CSGALNACT1: variants seen among roughly 807,000 people sequenced by gnomAD.
CSGALNACT1 encodes the protein beta4GalNAcT-1.
Under a neutral mutation model 51.0 loss-of-function variants are expected in CSGALNACT1, and 52 were observed. The observed-to-expected ratio is 1.02, with a 90% CI of 0.82 to 1.29. The LOEUF (loss-of-function observed/expected upper bound fraction) is 1.29. Among genes scored for constraint, CSGALNACT1 ranks in the 50% most tolerant of loss-of-function variants. The pLI is 0.00. For missense variants in CSGALNACT1, 935 were observed against 679.2 expected, an observed-to-expected ratio of 1.38 and a Z score of -4.19; for synonymous variants, 341 against 254.4, an observed-to-expected ratio of 1.34 and a Z score of -3.24.
At chr8:19,563,891 T>G (rs1043029540) in intron 3 of CSGALNACT1, among the ~76,000 whole-genome samples, 1 of 151,816 alleles carries the variant, frequency 6.6e-6, no homozygotes, top group Non-Finnish European at 1.5e-5. Flanking sequence ...TCCCCAACCC[T>G]AGACTCCCAC....
At chr8:19,727,987 G>A (rs929878635) in intron 1 of CSGALNACT1, among the ~76,000 whole-genome samples, 6 of 152,190 alleles carry the variant, frequency 3.9e-5, no homozygotes, top group African/African-American at 1.4e-4. Context: ...GCAGCAAGAT[G>A]TCATTCCAAG....
intron 3 of CSGALNACT1, among the ~76,000 whole-genome samples, chr8:19,532,297 A>G (rs2082927737): frequency 6.6e-6 from 1 of 152,114 alleles, no homozygotes; most frequent in African/African-American, 2.4e-5. Flanking sequence ...CCTCCTCCCA[A>G]AACAACAATT....
At chr8:19,651,907 C>A (rs558061513) in intron 1 of CSGALNACT1, among the ~76,000 whole-genome samples, 1 of 134,732 alleles carries the variant, frequency 7.4e-6, no homozygotes, top group Non-Finnish European at 1.6e-5. Context: ...TCTACAACCT[C>A]GCTGTCTGTT....
intron 1 of CSGALNACT1, among the ~76,000 whole-genome samples, chr8:19,743,970 A>T (rs1488669820): frequency 2.0e-5 from 3 of 152,244 alleles, no homozygotes; most frequent in Admixed American, 1.3e-4. Flanking sequence ...AGAAAGGAAA[A>T]AAAAAGACAA....
chr8:19,457,917 G>T (rs896456095), intron 5 of CSGALNACT1: 83 of 729,148 alleles, frequency 1.1e-4, no homozygotes, highest in Non-Finnish European at 1.7e-4. Context: ...GATGATGCAG[G>T]TTACAATAAA....
intron 6 of CSGALNACT1, among the ~76,000 whole-genome samples, chr8:19,421,363 C>T (rs2057898480): frequency 6.6e-6 from 1 of 152,236 alleles, no homozygotes; most frequent in Non-Finnish European, 1.5e-5. Context: ...ACAGCAGAAC[C>T]TTCTGAAATG....
At chr8:19,601,355 A>G (rs1267774122) in intron 2 of CSGALNACT1, among the ~76,000 whole-genome samples, 3 of 152,234 alleles carry the variant, frequency 2.0e-5, no homozygotes, top group African/African-American at 7.2e-5. Flanking sequence ...TCAAAATTAG[A>G]GTACCTATTT....
chr8:19,418,708 G>C, exon 8 of CSGALNACT1: 1 of 1,613,680 alleles, frequency 6.2e-7, no homozygotes, highest in Non-Finnish European at 8.5e-7. Flanking sequence ...TATTATGCCA[G>C]GATTGTACTG....
At chr8:19,569,045 T>A (rs2042461390) in intron 3 of CSGALNACT1, among the ~76,000 whole-genome samples, 1 of 152,186 alleles carries the variant, frequency 6.6e-6, no homozygotes, top group African/African-American at 2.4e-5. Flanking sequence ...TTCATTTACC[T>A]GAGTCAAAAG....
intron 4 of CSGALNACT1, among the ~76,000 whole-genome samples, chr8:19,485,821 C>A (rs1369672561): frequency 4.4e-5 from 5 of 113,752 alleles, no homozygotes; most frequent in Non-Finnish European, 6.6e-5. Context: ...GGCTGAAGTA[C>A]AATGGCATGA....
intron 1 of CSGALNACT1, among the ~76,000 whole-genome samples, chr8:19,727,492 G>A (rs67841905): frequency 0.3 from 45,540 of 149,604 alleles, 7,129 homozygotes; most frequent in Middle Eastern, 0.47. Flanking sequence ...TGAGACTACA[G>A]GCGCGTGTCA....
At chr8:19,592,641 C>T (rs2048075495) in intron 2 of CSGALNACT1, among the ~76,000 whole-genome samples, 1 of 152,134 alleles carries the variant, frequency 6.6e-6, no homozygotes, top group Admixed American at 6.5e-5. Flanking sequence ...GCTGTCCCAG[C>T]TACTTAGGAG....
intron 3 of CSGALNACT1, among the ~76,000 whole-genome samples, chr8:19,574,151 C>CTTG (rs2043633314): frequency 2.6e-5 from 4 of 152,208 alleles, no homozygotes; most frequent in African/African-American, 9.6e-5. Flanking sequence ...AGCCTTAAGA[C>CTTG]ATTCTCCAGC....
chr8:19,600,036 G>A (rs892595751), intron 2 of CSGALNACT1, among the ~76,000 whole-genome samples: 4 of 152,144 alleles, frequency 2.6e-5, no homozygotes, highest in African/African-American at 9.7e-5. Flanking sequence ...CATAGAGCTT[G>A]CTCCACCATG....
At chr8:19,464,650 C>T (rs1294043831) in intron 4 of CSGALNACT1, among the ~76,000 whole-genome samples, 1 of 152,100 alleles carries the variant, frequency 6.6e-6, no homozygotes, top group Non-Finnish European at 1.5e-5. Context: ...TGCCTGCTGT[C>T]AGAATTACAT....
At chr8:19,573,583 A>G (rs2043489909) in intron 3 of CSGALNACT1, among the ~76,000 whole-genome samples, 1 of 152,116 alleles carries the variant, frequency 6.6e-6, no homozygotes, top group South Asian at 2.1e-4. Flanking sequence ...AGCTGGTATT[A>G]TAGGTGTGAA....
At chr8:19,464,872 A>C (rs575772719) in intron 4 of CSGALNACT1, among the ~76,000 whole-genome samples, 8 of 152,268 alleles carry the variant, frequency 5.3e-5, no homozygotes, top group African/African-American at 1.9e-4. Context: ...CAGAAACTGG[A>C]ATCCTGTGCA....
intron 4 of CSGALNACT1, among the ~76,000 whole-genome samples, chr8:19,475,643 T>C (rs1378528061): frequency 6.6e-6 from 1 of 152,126 alleles, no homozygotes; most frequent in East Asian, 1.9e-4. Flanking sequence ...AGTGGTTTCC[T>C]TTGAGGTGAA....
At chr8:19,738,873 T>C (rs115703859) in intron 1 of CSGALNACT1, among the ~76,000 whole-genome samples, 3,499 of 152,220 alleles carry the variant, frequency 0.023, 141 homozygotes, top group African/African-American at 0.08. Context: ...ATAGAAAATA[T>C]AGAAGACACA....
Sources: allele counts gnomAD v4.1 joint callset (sites outside exome capture counted in the v4.1 genomes callset), GRCh38; gene constraint gnomAD v4.1.1; transcripts MANE v1.5; gene names NCBI Gene and HGNC (gene_info 2026-07-23, HGNC 2026-07-21).